Variants in SORCS2 observed in about 807,000 individuals in gnomAD.
SORCS2 encodes the protein VPS10 domain-containing receptor SorCS2.
SORCS2 carries 100 observed loss-of-function variants against 141.6 expected under a neutral mutation model. The observed-to-expected ratio is 0.71, with a 90% confidence interval of 0.60 to 0.83. The LOEUF is 0.83. Ranked by LOEUF, SORCS2 falls within the 40% of genes least tolerant of loss-of-function variation. SORCS2 has a pLI of 0.00. For synonymous variants in SORCS2, 789 were observed against 676.9 expected (o/e 1.17, Z -2.57); for missense variants, 1,646 against 1,560.2 (o/e 1.05, Z -0.93).
intron 2 of SORCS2, among the ~76,000 whole-genome samples, chr4:7,446,250 C>G (rs1344798998): frequency 6.6e-6 from 1 of 152,234 alleles, no homozygotes; most frequent in African/African-American, 2.4e-5. Context: ...CCTCTGATGT[C>G]GCACAGTGAG....
At chr4:7,477,350 A>G (rs76224045) in intron 2 of SORCS2, among the ~76,000 whole-genome samples, 22 of 145,590 alleles carry the variant, frequency 1.5e-4, no homozygotes, top group South Asian at 6.4e-4. Context: ...GACTGACCAC[A>G]GCTGACTGGG....
chr4:7,492,144 C>T (rs971557935), intron 2 of SORCS2, among the ~76,000 whole-genome samples: 1 of 152,248 alleles, frequency 6.6e-6, no homozygotes, highest in Admixed American at 6.5e-5. Flanking sequence ...TCCCAGCAGG[C>T]CCGACAGCCT....
intron 1 of SORCS2, among the ~76,000 whole-genome samples, chr4:7,207,526 C>T (rs543319288): frequency 3.2e-4 from 48 of 152,306 alleles, no homozygotes; most frequent in African/African-American, 1.1e-3. Context: ...GCCGGCTCCC[C>T]AGTCCTCCAG....
intron 3 of SORCS2, among the ~76,000 whole-genome samples, chr4:7,548,493 G>T (rs1007875914): frequency 6.6e-6 from 1 of 152,180 alleles, no homozygotes; most frequent in African/African-American, 2.4e-5. Flanking sequence ...AGTGCTTCAT[G>T]TCAGGGGGGT....
intron 1 of SORCS2, among the ~76,000 whole-genome samples, chr4:7,380,070 T>G (rs1162335802): frequency 1.3e-5 from 2 of 152,064 alleles, no homozygotes; most frequent in East Asian, 1.9e-4. Context: ...AATGGCCATT[T>G]CTTCAAAATG....
At chr4:7,689,715 C>T (rs1425915099) in intron 11 of SORCS2, 127 bp downstream of exon 11, 1 of 819,914 alleles carries the variant, frequency 1.2e-6, no homozygotes, top group African/African-American at 1.8e-5. Context: ...GGCAGTACCA[C>T]TGCATCTCCA....
intron 3 of SORCS2, among the ~76,000 whole-genome samples, chr4:7,546,192 T>C (rs923003834): frequency 6.6e-6 from 1 of 152,154 alleles, no homozygotes; most frequent in African/African-American, 2.4e-5. Flanking sequence ...ACCACTTTTC[T>C]TCTATCGTGG....
chr4:7,307,864 ATGAG>A (rs573645425), intron 1 of SORCS2, among the ~76,000 whole-genome samples: 336 of 150,832 alleles, frequency 2.2e-3, no homozygotes, highest in African/African-American at 7.7e-3. Context: ...TGGTGTGTGT[ATGAG>A]TGAGTGTATG....
intron 26 of SORCS2, among the ~76,000 whole-genome samples, chr4:7,738,469 G>A (rs114451306): frequency 0.012 from 1,793 of 152,272 alleles, 35 homozygotes; most frequent in African/African-American, 0.041. Flanking sequence ...CCAGGGACCC[G>A]GCGTCTCCCC....
intron 3 of SORCS2, among the ~76,000 whole-genome samples, chr4:7,548,942 C>G (rs1020807173): frequency 1.3e-5 from 2 of 152,154 alleles, no homozygotes; most frequent in Non-Finnish European, 2.9e-5. Context: ...GCCCCATTCC[C>G]GAGGCATCAG....
chr4:7,551,091 C>T (rs1270169639), intron 3 of SORCS2, among the ~76,000 whole-genome samples: 1 of 152,220 alleles, frequency 6.6e-6, no homozygotes, highest in Non-Finnish European at 1.5e-5. Context: ...AGAAGTTCTG[C>T]CTAGCCCATT....
intron 3 of SORCS2, among the ~76,000 whole-genome samples, chr4:7,565,766 CG>C (rs147751391): frequency 0.01 from 1,420 of 136,762 alleles, 10 homozygotes; most frequent in Middle Eastern, 0.043. Context: ...GTGATGGTGT[CG>C]GTGGTGATGA....
At chr4:7,628,719 G>T (rs903271693) in intron 3 of SORCS2, among the ~76,000 whole-genome samples, 12 of 151,942 alleles carry the variant, frequency 7.9e-5, no homozygotes, top group Non-Finnish European at 1.8e-4. Context: ...AATGGAGGGG[G>T]TGGGGAGCTG....
At chr4:7,642,571 T>C (rs201272795) in intron 4 of SORCS2, among the ~76,000 whole-genome samples, 1 of 152,218 alleles carries the variant, frequency 6.6e-6, no homozygotes, top group East Asian at 1.9e-4. Context: ...AAGCTAATTC[T>C]CAAGAAGCAG....
At chr4:7,540,424 G>T (rs1432107284) in intron 3 of SORCS2, among the ~76,000 whole-genome samples, 1 of 152,154 alleles carries the variant, frequency 6.6e-6, no homozygotes, top group East Asian at 1.9e-4. Context: ...TCCAGCGGGG[G>T]ATGGCAGCAC....
chr4:7,471,226 C>T (rs865783579), intron 2 of SORCS2, among the ~76,000 whole-genome samples: 49 of 152,356 alleles, frequency 3.2e-4, no homozygotes, highest in African/African-American at 9.9e-4. Flanking sequence ...CCCGCTTCCC[C>T]GCTCCGCTCA....
intron 4 of SORCS2, among the ~76,000 whole-genome samples, chr4:7,651,670 C>G (rs978011826): frequency 6.6e-6 from 1 of 152,170 alleles, no homozygotes; most frequent in Non-Finnish European, 1.5e-5. Context: ...ACAGGGGAGC[C>G]GCTCCAGTTT....
At chr4:7,646,217 C>T (rs1721063785) in intron 4 of SORCS2, among the ~76,000 whole-genome samples, 1 of 152,196 alleles carries the variant, frequency 6.6e-6, no homozygotes, top group Non-Finnish European at 1.5e-5. Flanking sequence ...GAGCTCCGCA[C>T]AGCGCACACG....
At chr4:7,526,902 G>A (rs1360737404) in intron 2 of SORCS2, among the ~76,000 whole-genome samples, 1 of 152,212 alleles carries the variant, frequency 6.6e-6, no homozygotes, top group Non-Finnish European at 1.5e-5. Context: ...AAAAGATGAT[G>A]TCAACATGTA....
Sources: allele counts gnomAD v4.1 joint callset (sites outside exome capture counted in the v4.1 genomes callset), GRCh38; gene constraint gnomAD v4.1.1; transcripts MANE v1.5; gene names NCBI Gene and HGNC (gene_info 2026-07-23, HGNC 2026-07-21).